MTMR11: variants seen among roughly 807,000 people sequenced by gnomAD.
MTMR11 encodes myotubularin-related protein 11.
A neutral mutation model predicts 100.0 loss-of-function variants in MTMR11; 89 were observed. The observed-to-expected ratio is 0.89, with a 90% CI of 0.75 to 1.06. The LOEUF (loss-of-function observed/expected upper bound fraction) is 1.06. MTMR11 is among the 50% of genes least tolerant of loss of function. The probability of loss-of-function intolerance (pLI) is 0.00; values close to 1 mark genes in which losing one functional copy is unlikely to be tolerated. For synonymous variants in MTMR11, 336 were observed against 326.3 expected, an observed-to-expected ratio of 1.03 and a Z score of -0.32; for missense variants, 809 against 873.7, an observed-to-expected ratio of 0.93 and a Z score of 0.93.
intron 10 of MTMR11, among the ~76,000 whole-genome samples, chr1:149,932,946 G>A (rs587639696): frequency 2.3e-5 from 3 of 129,236 alleles, no homozygotes; most frequent in East Asian, 2.4e-4. Context: ...GGGAGACTCC[G>A]TCTCATCTGC....
intron 15 of MTMR11, 126 bp from the exon 16 acceptor site, chr1:149,930,042 C>A: frequency 9.6e-7 from 1 of 1,037,884 alleles, no homozygotes; most frequent in Non-Finnish European, 1.4e-6. Flanking sequence ...CTACAAGCCT[C>A]CCCATGAGAA....
At chr1:149,932,392 T>C (rs750241902) in intron 10 of MTMR11, 62 bp from the exon 11 acceptor site, 318 of 1,345,202 alleles carry the variant, frequency 2.4e-4, no homozygotes, top group Non-Finnish European at 3.2e-4. Context: ...AGGATTCAGG[T>C]TGATAGCCTG....
Position 149,936,766 on chromosome 1 carries a change from G to T in MTMR11, c.-119C>A. On this transcript the variant is annotated 5_prime_UTR_variant, in exon 1 of 17. Transcript: ENST00000439741. ...AGGGGTGTTAGGGAGAGGGGTAGGG[G>T]GTTGGACACAAGGGAAAGGAGCATT... 4 of 714,598 alleles carry T rather than the reference G, an allele frequency of 5.6e-6. No individual in the cohort carries two copies. The highest frequency in any genetic ancestry group is 7.3e-6 in the Non-Finnish European group (3 of 409,356). 44.3% of individuals were successfully genotyped at this position (714,598 alleles called of 1,614,324 possible).
Position 149,928,933 on chromosome 1 carries a change from T to C in MTMR11, c.*196A>G, listed in dbSNP as rs1553766651. ...AAACCGATCAATTTCTGGATTGTTT[T>C]TGTTTCTTAATCCTTCAAATGACAA... On this transcript the variant is annotated 3_prime_UTR_variant, in exon 17 of 17. Transcript: ENST00000439741. 1.9e-6 allele frequency: 3 copies of C among 1,614,008 alleles called. No homozygotes were observed. Among genetic ancestry groups the C allele is most frequent in the Non-Finnish European group, 2.5e-6 (3 of 1,180,024 alleles).
At position 149,935,112 on chromosome 1, in the gene MTMR11, TC is replaced by T; in HGVS notation, c.341del (p.Arg114GlnfsTer19). On this transcript the variant is annotated frameshift_variant, in exon 5 of 17. Transcript: ENST00000439741. LOFTEE classifies it high-confidence loss of function. Reference sequence around the variant, plus strand: ...GGGACCCTGGACGGAGGAGCTGGACTCGGGACAAGCCGCTCACTGAAGTCAA... The same window carrying T: ...GGGACCCTGGACGGAGGAGCTGGACTGGGACAAGCCGCTCACTGAAGTCAA... Reference protein sequence around the residue: ...GRLEAVSGLSRVQLLRPGSLH... With the variant: ...GRLEAVSGLSXVQLLRPGSLH... The T allele has an allele frequency of 6.2e-7, 1 of 1,614,124 alleles. No individual in the cohort carries two copies. Among genetic ancestry groups the T allele is most frequent in the Non-Finnish European group, 8.5e-7 (1 of 1,180,012 alleles).
In MTMR11 at chr1:149,936,749, T is replaced by G; in HGVS notation, c.-102A>C. ...TGAGTCTTGTTGAGAAGAGGGGTGT[T>G]AGGGAGAGGGGTAGGGGGTTGGACA... On this transcript the variant is annotated 5_prime_UTR_variant, in exon 1 of 17. Transcript: ENST00000439741. The G allele has an allele frequency of 1.3e-6, 1 of 782,874 alleles. No homozygotes were observed. Among genetic ancestry groups the G allele is most frequent in the South Asian group, 1.5e-5 (1 of 67,642 alleles). The allele number at this position is 782,874 out of a possible 1,614,324, so 48.5% of individuals were successfully genotyped here.
At position 149,928,798 on chromosome 1, in the gene MTMR11, G is replaced by C; in HGVS notation, c.*331C>G. On this transcript the variant is annotated 3_prime_UTR_variant, in exon 17 of 17. Coordinates refer to ENST00000439741, the MANE Select transcript of MTMR11 (RefSeq NM_001145862.2). ...GAACTTGGAATTAAAGCAGCAGCAA[G>C]GCGAGGTGAGAATGCGATTTCTAGG... is the stretch of plus-strand genomic sequence containing the variant. 1 of 1,428,694 alleles carries C rather than the reference G, an allele frequency of 7.0e-7. No individual in the cohort carries two copies. The highest frequency in any genetic ancestry group is 9.9e-7 in the Non-Finnish European group (1 of 1,012,460). 88.5% of individuals were successfully genotyped at this position (1,428,694 alleles called of 1,614,324 possible).
In MTMR11 at chr1:149,930,237, C is replaced by T. The variant is rs142954207; in HGVS notation, c.1647+128G>A. 2.2e-5 allele frequency: 22 copies of T among 1,005,046 alleles called. No homozygotes were observed. The East Asian group carries it at 5.1e-4, about 23-fold the overall frequency. The allele number at this position is 1,005,046 out of a possible 1,614,324, so 62.3% of individuals were successfully genotyped here. A position where few individuals can be genotyped will look rare whatever the true frequency, so the allele number is the denominator to read the frequency against. Reference sequence around the variant, plus strand: ...AGGGACACCCAGGGACTATAAGTGACAGCTGCAGAAGAGTAGTGGAGTAGC... The same window carrying T: ...AGGGACACCCAGGGACTATAAGTGATAGCTGCAGAAGAGTAGTGGAGTAGC... On this transcript the variant is annotated intron_variant, in intron 15 of 16. Coordinates refer to ENST00000439741, the MANE Select transcript of MTMR11 (RefSeq NM_001145862.2).
rs1559804082 is a variant in MTMR11, at chr1:149,930,818, AG to A, written c.1437del (p.Trp480GlyfsTer10). On this transcript the variant is annotated frameshift_variant, in exon 14 of 17. Transcript: ENST00000439741. LOFTEE classifies it high-confidence loss of function. Reference protein sequence around the residue: ...PDTLTFLRNTPWERGKQSGQL... With the variant: ...PDTLTFLRNTXWERGKQSGQL... ...TGTCCGCTCTGCTTTCCGCGCTCCC[AG>A]GGGGTATTTCTCAGGAAGGTAAGGG... 6.3e-7 allele frequency: 1 copy of A among 1,591,512 alleles called. No individual in the cohort carries two copies. The highest frequency in any genetic ancestry group is 1.4e-5 in the African/African-American group (1 of 73,572).
At chr1:149,933,808 C>G in intron 8 of MTMR11, 47 bp downstream of exon 8, 3 of 1,608,256 alleles carry the variant, frequency 1.9e-6, no homozygotes, top group Non-Finnish European at 2.6e-6. Context: ...GTCCCTGGCC[C>G]ACATGACCCT....
At position 149,931,240 on chromosome 1, in the gene MTMR11, C is replaced by T. The variant is rs2092656505; in HGVS notation, c.1290+20G>A. On this transcript the variant is annotated intron_variant, in intron 13 of 16. Transcript: ENST00000439741. ...CTTCCTTAGTAATATGCCCCCGATG[C>T]CATCCCGAATCATTCTCACCTCTTC... The T allele has an allele frequency of 1.9e-6, 3 of 1,613,560 alleles. No individual in the cohort carries two copies. Among genetic ancestry groups the T allele is most frequent in the African/African-American group, 1.3e-5 (1 of 74,840 alleles).
rs140863001 is a variant in MTMR11, at chr1:149,929,917, C to A, written c.1648-1G>T. The A allele has an allele frequency of 1.7e-4, 268 of 1,602,918 alleles. 1 individual carries two copies. The highest frequency in any genetic ancestry group is 5.4e-4 in the South Asian group (49 of 90,340). On this transcript the variant is annotated splice_acceptor_variant, in intron 15 of 16. Coordinates refer to ENST00000439741, the MANE Select transcript of MTMR11 (RefSeq NM_001145862.2). LOFTEE classifies it high-confidence loss of function. ...GGGGTCCAGGAACCATGAAGCTTGG[C>A]TAAAAGGAAAAGAAAATCAACTGGC...
chr1:149,930,006 C>A, intron 15 of MTMR11, 90 bp from the exon 16 acceptor site: 1 of 1,325,192 alleles, frequency 7.5e-7, no homozygotes, highest in Non-Finnish European at 1.0e-6. Context: ...CCTGCTGCCA[C>A]CCACTCACTG....
chr1:149,936,874 G>A lies in MTMR11; in HGVS notation c.-227C>T, dbSNP rs1270578299. 4 of 548,356 alleles carry A rather than the reference G, an allele frequency of 7.3e-6. No homozygotes were observed. The highest frequency in any genetic ancestry group is 6.0e-5 in the African/African-American group (3 of 50,234). The allele number at this position is 548,356 out of a possible 1,614,324, so 34.0% of individuals were successfully genotyped here. A position where few individuals can be genotyped will look rare whatever the true frequency, so the allele number is the denominator to read the frequency against. On this transcript the variant is annotated 5_prime_UTR_variant, in exon 1 of 17. Coordinates refer to ENST00000439741, the MANE Select transcript of MTMR11 (RefSeq NM_001145862.2). ...AGAAGTCTCCTCGGAAACTTCAGTCGACTCTGGAGAGGGCGGGAGAGATGC... is the reference window on the plus strand; with the variant it reads ...AGAAGTCTCCTCGGAAACTTCAGTCAACTCTGGAGAGGGCGGGAGAGATGC...
chr1:149,935,039 G>A lies in MTMR11; in HGVS notation c.415C>T (p.Arg139Trp), dbSNP rs782042118. Residue 139 changes from arginine (R) to tryptophan (W), a missense_variant, in exon 5 of 17, where the codon CGG becomes TGG. Transcript: ENST00000439741. The part of the protein sequence containing the change: ...EEILIHGRDF[R>W]LLRVGFEAGG... Reference sequence around the variant, plus strand: ...GCCTCAAAACCAACTCTGAGCAGCCGGAAGTCTCGGCCATGAATCAGAATC... The same window carrying A: ...GCCTCAAAACCAACTCTGAGCAGCCAGAAGTCTCGGCCATGAATCAGAATC... 16 of 1,613,994 alleles carry A rather than the reference G, an allele frequency of 9.9e-6. No individual in the cohort carries two copies. The highest frequency in any genetic ancestry group is 3.3e-4 in the Middle Eastern group (2 of 6,058).
intron 2 of MTMR11, 85 bp from the exon 3 acceptor site, chr1:149,935,790 A>G: frequency 7.0e-7 from 1 of 1,431,446 alleles, no homozygotes; most frequent in South Asian, 1.4e-5. Context: ...AGAAAGGGAG[A>G]TCTAAATAGG....
rs587663891 is a variant in MTMR11 at position 149,930,284 on chromosome 1, A to G, written c.1647+81T>C. 8.2e-5 allele frequency: 115 copies of G among 1,403,928 alleles called. No individual in the cohort carries two copies. The Middle Eastern group carries it at 1.4e-3, about 17-fold the overall frequency. 87.0% of individuals were successfully genotyped at this position (1,403,928 alleles called of 1,614,324 possible). A position where few individuals can be genotyped will look rare whatever the true frequency, so the allele number is the denominator to read the frequency against. ...TAGCTTTCCCTAAGGAACTCAAGACATTTTGTCTTTCACTTCTCACTGTCT... is the reference window on the plus strand; with the variant it reads ...TAGCTTTCCCTAAGGAACTCAAGACGTTTTGTCTTTCACTTCTCACTGTCT... On this transcript the variant is annotated intron_variant, in intron 15 of 16. Coordinates refer to ENST00000439741, the MANE Select transcript of MTMR11 (RefSeq NM_001145862.2).
intron 5 of MTMR11, among the ~76,000 whole-genome samples, 190 bp downstream of exon 5, chr1:149,934,796 G>C (rs1223683913): frequency 1.3e-5 from 2 of 152,204 alleles, no homozygotes; most frequent in Admixed American, 6.5e-5. Context: ...GTAATTAATA[G>C]AGTAAGGCTA....
In MTMR11 at chr1:149,930,767, C is replaced by T. The variant is rs782346743; in HGVS notation, c.1464+25G>A. 22 of 1,523,536 alleles carry T rather than the reference C, an allele frequency of 1.4e-5. No homozygotes were observed. The South Asian group carries it at 2.2e-4, about 15-fold the overall frequency. The allele number at this position is 1,523,536 out of a possible 1,614,324, so 94.4% of individuals were successfully genotyped here. A position where few individuals can be genotyped will look rare whatever the true frequency, so the allele number is the denominator to read the frequency against. Reference sequence around the variant, plus strand: ...GTACATCTCAATGGAAAAAAAAACACGAGTCAAAAATAGAAGTCACTGACC... The same window carrying T: ...GTACATCTCAATGGAAAAAAAAACATGAGTCAAAAATAGAAGTCACTGACC... On this transcript the variant is annotated intron_variant, in intron 14 of 16. Transcript: ENST00000439741.
Sources: gnomAD v4.1 joint callset for allele counts (sites outside exome capture counted in the v4.1 genomes callset) on GRCh38, gnomAD v4.1.1 for gene constraint, MANE v1.5 for transcripts, NCBI Gene and HGNC (gene_info 2026-07-23, HGNC 2026-07-21) for gene names.